Variants in RBFOX1 observed in about 807,000 individuals in gnomAD.
The protein encoded by RBFOX1 is RNA binding fox-1 homolog 1.
In RBFOX1, 8 loss-of-function variants were observed where a neutral mutation model predicts 57.7. That is an observed-to-expected ratio of 0.14 (90% CI 0.08 to 0.25). RBFOX1 has a LOEUF of 0.25. Among genes scored for constraint, RBFOX1 ranks in the 10% least tolerant of loss-of-function variants. The pLI is 1.00. For synonymous variants in RBFOX1, 326 were observed against 222.4 expected, an observed-to-expected ratio of 1.47 and a Z score of -4.15; for missense variants, 611 against 548.5, an observed-to-expected ratio of 1.11 and a Z score of -1.14.
chr16:5,551,833 C>T (rs959975239), intron 2 of RBFOX1, among the ~76,000 whole-genome samples: 2 of 150,822 alleles, frequency 1.3e-5, no homozygotes, highest in African/African-American at 4.9e-5. Context: ...ATGTTCCCCT[C>T]CCTGTGTCCA....
At chr16:6,476,368 G>A (rs1040236808) in intron 2 of RBFOX1, among the ~76,000 whole-genome samples, 2 of 152,054 alleles carry the variant, frequency 1.3e-5, no homozygotes, top group Non-Finnish European at 2.9e-5. Flanking sequence ...GCACACCTTG[G>A]AGATACTGTA....
intron 3 of RBFOX1, among the ~76,000 whole-genome samples, chr16:5,807,454 C>G (rs374659186): frequency 1.1e-4 from 17 of 152,276 alleles, no homozygotes; most frequent in East Asian, 7.7e-4. Context: ...AGCTGGGTTC[C>G]TGAGCTAATT....
At chr16:7,052,315 T>G (rs531184534) in intron 4 of RBFOX1, among the ~76,000 whole-genome samples, 1 of 152,356 alleles carries the variant, frequency 6.6e-6, no homozygotes, top group Admixed American at 6.5e-5. Context: ...ATGGATTTTT[T>G]GATTTAGATT....
intron 1 of RBFOX1, chr16:6,038,998 A>AT (rs1271539069): frequency 8.3e-6 from 1 of 119,840 alleles, no homozygotes; most frequent in Non-Finnish European, 1.6e-5. Context: ...CTCTTCATGT[A>AT]TGCTGGTTTG....
chr16:6,904,599 TAAAAAAAAAAAAAAAAA>T lies in RBFOX1; in HGVS notation c.-15-147445_-15-147429del, dbSNP rs71147623. Among the ~76,000 whole-genome samples the T allele has an allele frequency of 2.7e-4, 17 of 64,036 alleles. No individual in the cohort carries two copies. The East Asian group carries it at 8.1e-3, about 31-fold the overall frequency. The allele number at this position is 64,036 out of a possible 152,430, so 42.0% of individuals were successfully genotyped here. On this transcript the variant is annotated intron_variant, in intron 3 of 15. Transcript: ENST00000550418. ...CTGGGTGACAGAGTGAGACTCTCTC[TAAAAAAAAAAAAAAAAA>T]AAAAAAAAAAAAGAAGAAGAAGAAA...
At chr16:7,218,107 A>G (rs1465642777) in intron 4 of RBFOX1, among the ~76,000 whole-genome samples, 2 of 151,770 alleles carry the variant, frequency 1.3e-5, no homozygotes, top group African/African-American at 4.8e-5. Flanking sequence ...GCCCCTGAGT[A>G]GAGCTCCCTC....
chr16:5,743,650 CATT>C (rs1314982127), intron 3 of RBFOX1, among the ~76,000 whole-genome samples: 1 of 152,104 alleles, frequency 6.6e-6, no homozygotes, highest in African/African-American at 2.4e-5. Flanking sequence ...ACATGATTTT[CATT>C]ATATTTCTTT....
intron 3 of RBFOX1, among the ~76,000 whole-genome samples, chr16:5,718,988 A>G (rs7198883): frequency 0.07 from 10,348 of 147,736 alleles, 1,160 homozygotes; most frequent in African/African-American, 0.24. Flanking sequence ...AAAAAAAACA[A>G]TATTCCCAAC....
intron 4 of RBFOX1, among the ~76,000 whole-genome samples, chr16:7,438,883 A>G (rs558218786): frequency 6.6e-6 from 1 of 152,150 alleles, no homozygotes; most frequent in Non-Finnish European, 1.5e-5. Context: ...TGAGTGATCT[A>G]TACTGCATGA....
At chr16:6,492,126 G>GTGTT in intron 2 of RBFOX1, among the ~76,000 whole-genome samples, 1 of 151,964 alleles carries the variant, frequency 6.6e-6, no homozygotes, top group African/African-American at 2.4e-5. Context: ...AAGTGTGTGT[G>GTGTT]TGTGTGCGGG....
intron 1 of RBFOX1, among the ~76,000 whole-genome samples, chr16:6,268,832 G>A (rs756187259): frequency 9.9e-5 from 15 of 152,126 alleles, no homozygotes; most frequent in Non-Finnish European, 2.2e-4. Context: ...CTCCAACAGA[G>A]AACAAACAAA....
Position 6,066,293 on chromosome 16 carries a change from C to CAAAAA in RBFOX1, c.-127+46324_-127+46328dup, listed in dbSNP as rs372412356. 2.5e-3 allele frequency among the ~76,000 whole-genome samples: 125 copies of CAAAAA among 50,382 alleles called. 15 individuals are homozygous for CAAAAA. Among genetic ancestry groups the CAAAAA allele is most frequent in the African/African-American group, 4.9e-3 (34 of 6,994 alleles). The allele number at this position is 50,382 out of a possible 152,430, so 33.1% of individuals were successfully genotyped here. The stretch of plus-strand genomic sequence containing the variant: ...CTGACTACAGAGCAAGACTCTGTCT[C>CAAAAA]AAAAAAAAAAAAAAAAAAAAAAAAA... On this transcript the variant is annotated intron_variant, in intron 1 of 15. Transcript: ENST00000550418.
intron 2 of RBFOX1, among the ~76,000 whole-genome samples, chr16:5,482,123 C>T (rs2069564602): frequency 1.3e-5 from 2 of 152,172 alleles, no homozygotes; most frequent in Admixed American, 6.5e-5. Flanking sequence ...GTGTGATAAA[C>T]ACATGAGCCA....
intron 3 of RBFOX1, among the ~76,000 whole-genome samples, chr16:6,919,082 C>T (rs889506657): frequency 6.6e-6 from 1 of 152,136 alleles, no homozygotes; most frequent in Non-Finnish European, 1.5e-5. Context: ...TGGGTTTAAG[C>T]CATTCTCCTG....
At chr16:5,479,892 A>T (rs2069465479) in intron 2 of RBFOX1, among the ~76,000 whole-genome samples, 1 of 152,102 alleles carries the variant, frequency 6.6e-6, no homozygotes, top group South Asian at 2.1e-4. Flanking sequence ...TTTTGCTCAG[A>T]TGCAGTGGCA....
intron 3 of RBFOX1, among the ~76,000 whole-genome samples, chr16:6,769,347 C>T (rs1205763427): frequency 6.6e-6 from 1 of 152,184 alleles, no homozygotes; most frequent in Admixed American, 6.5e-5. Context: ...AAAGGTCTTT[C>T]TCCCGTAAGT....
At chr16:7,369,968 C>T (rs1029874246) in intron 4 of RBFOX1, among the ~76,000 whole-genome samples, 5 of 152,204 alleles carry the variant, frequency 3.3e-5, no homozygotes, top group Non-Finnish European at 7.3e-5. Flanking sequence ...TATTATGTGT[C>T]AGAGCCTTGA....
intron 2 of RBFOX1, among the ~76,000 whole-genome samples, chr16:6,589,636 G>C (rs1387794297): frequency 6.6e-6 from 1 of 152,220 alleles, no homozygotes; most frequent in Non-Finnish European, 1.5e-5. Flanking sequence ...CTAGCTGCAG[G>C]ACTCCTAAAT....
chr16:6,166,019 A>C (rs1597973033), intron 1 of RBFOX1, among the ~76,000 whole-genome samples: 2 of 152,312 alleles, frequency 1.3e-5, no homozygotes, highest in Admixed American at 1.3e-4. Flanking sequence ...ACACACATGT[A>C]CACATACAGT....
Sources: gnomAD v4.1 joint callset for allele counts (sites outside exome capture counted in the v4.1 genomes callset) on GRCh38, gnomAD v4.1.1 for gene constraint, MANE v1.5 for transcripts, NCBI Gene and HGNC (gene_info 2026-07-23, HGNC 2026-07-21) for gene names.